CLTRN: variants seen among roughly 807,000 people sequenced by gnomAD.
CLTRN encodes the protein collectrin, amino acid transport regulator.
A neutral mutation model predicts 14.5 loss-of-function variants in CLTRN; 12 were observed. That is an observed-to-expected ratio of 0.83 (90% CI 0.53 to 1.34). CLTRN has a LOEUF of 1.34. CLTRN is among the 40% of genes most tolerant of loss of function. CLTRN has a pLI of 0.00. For synonymous variants in CLTRN, 58 were observed against 56.5 expected (o/e 1.03, Z -0.12); for missense variants, 154 against 165.1 (o/e 0.93, Z 0.37).
intron 3 of CLTRN, among the ~76,000 whole-genome samples, chrX:15,658,781 G>A (rs1354901346): frequency 1.9e-5 from 2 of 107,924 alleles, no homozygotes; most frequent in South Asian, 4.0e-4. Flanking sequence ...ATATATAGCT[G>A]CAATTTTGAG....
chrX:15,674,431 G>C (rs1383749705), intron 1 of CLTRN, among the ~76,000 whole-genome samples: 1 of 111,607 alleles, frequency 9.0e-6, no homozygotes, highest in Non-Finnish European at 1.9e-5. Context: ...TTTAAAGTCC[G>C]CTGACTTTAA....
In CLTRN at chrX:15,664,326, G is replaced by T. The variant is rs1327386736; in HGVS notation, c.117+11C>A. On this transcript the variant is annotated intron_variant, in intron 2 of 5. Transcript: ENST00000380342. ...CAAAATTTAAAAAGAACACTCAGGT[G>T]CTCCACTTACTGCTTTATCTCCCAG... is the stretch of plus-strand genomic sequence containing the variant. 8.5e-7 allele frequency: 1 copy of T among 1,177,383 alleles called. No homozygotes were observed. The highest frequency in any genetic ancestry group is 2.3e-4 in the Middle Eastern group (1 of 4,292).
At chrX:15,637,403 C>T (rs1212165137) in intron 5 of CLTRN, among the ~76,000 whole-genome samples, 1 of 111,869 alleles carries the variant, frequency 8.9e-6, no homozygotes, top group Non-Finnish European at 1.9e-5. Context: ...TTGTGTCAAA[C>T]TTAAAACACA....
At chrX:15,637,815 C>T (rs976974234) in intron 5 of CLTRN, among the ~76,000 whole-genome samples, 2 of 112,291 alleles carry the variant, frequency 1.8e-5, no homozygotes, top group African/African-American at 6.5e-5. Context: ...GTACACCTCA[C>T]TGTCACTCTA....
At chrX:15,631,902 C>T (rs1273321710) in intron 5 of CLTRN, among the ~76,000 whole-genome samples, 2 of 112,270 alleles carry the variant, frequency 1.8e-5, no homozygotes, top group African/African-American at 3.2e-5. Context: ...ACTACCTGTG[C>T]ATTGCTTTTA....
At chrX:15,628,461 C>A (rs1928615935) in intron 5 of CLTRN, among the ~76,000 whole-genome samples, 2 of 112,051 alleles carry the variant, frequency 1.8e-5, no homozygotes, top group African/African-American at 6.5e-5. Flanking sequence ...CACTCACACA[C>A]ACAAATTGCA....
At chrX:15,644,847 A>G in intron 4 of CLTRN, 69 bp downstream of exon 4, 1 of 669,265 alleles carries the variant, frequency 1.5e-6, no homozygotes, top group Non-Finnish European at 2.3e-6. Context: ...TTCAATATCT[A>G]TTTTTAAAAA....
At chrX:15,644,750 T>C (rs1929020731) in intron 4 of CLTRN, among the ~76,000 whole-genome samples, 166 bp downstream of exon 4, 2 of 111,968 alleles carry the variant, frequency 1.8e-5, no homozygotes, top group Non-Finnish European at 3.8e-5. Context: ...TGAGAACTAC[T>C]GATCTATACT....
chrX:15,636,044 C>T (rs76343269), intron 5 of CLTRN, among the ~76,000 whole-genome samples: 1 of 111,786 alleles, frequency 8.9e-6, no homozygotes, highest in African/African-American at 3.3e-5. Flanking sequence ...AAAGACGAAA[C>T]ATAGCAAGTG....
At position 15,627,632 on chromosome X, in the gene CLTRN, T is replaced by C. The variant is rs1456246163; in HGVS notation, c.*339A>G. ...ATTATATGTATTCTCCACTGGAAAA[T>C]TTATTTTTCCTTAGGTCTTTGAAGT... On this transcript the variant is annotated 3_prime_UTR_variant, in exon 6 of 6. Transcript: ENST00000380342. 1 of 133,555 alleles carries C rather than the reference T, an allele frequency of 7.5e-6. No homozygotes were observed. The highest frequency in any genetic ancestry group is 1.9e-4 in the East Asian group (1 of 5,180). The allele number at this position is 133,555 out of a possible 1,213,427, so 11.0% of individuals were successfully genotyped here. A position where few individuals can be genotyped will look rare whatever the true frequency, so the allele number is the denominator to read the frequency against.
At chrX:15,675,211 G>C (rs765930465), upstream of CLTRN, among the ~76,000 whole-genome samples, 2 of 112,339 alleles carry the variant, frequency 1.8e-5, no homozygotes, top group Non-Finnish European at 1.9e-5. Context: ...TCGAATTCGC[G>C]GGACGGTCGG....
chrX:15,661,874 T>C (rs1929516744), intron 2 of CLTRN, among the ~76,000 whole-genome samples: 1 of 112,229 alleles, frequency 8.9e-6, no homozygotes, highest in Admixed American at 9.4e-5. Context: ...TATTTATCTA[T>C]CAGTTTAGAT....
At chrX:15,653,186 T>A (rs1297701589) in intron 3 of CLTRN, among the ~76,000 whole-genome samples, 2 of 111,568 alleles carry the variant, frequency 1.8e-5, no homozygotes, top group Non-Finnish European at 3.8e-5. Flanking sequence ...TGGGGTTTTT[T>A]TTCCTCCCCT....
chrX:15,662,771 C>G (rs1369977409), intron 2 of CLTRN, among the ~76,000 whole-genome samples: 1 of 111,715 alleles, frequency 9.0e-6, no homozygotes, highest in Non-Finnish European at 1.9e-5. Context: ...TTGTCCAACA[C>G]AATGAACATT....
At chrX:15,646,562 C>A (rs768129817) in intron 3 of CLTRN, 1 of 336,733 alleles carries the variant, frequency 3.0e-6, no homozygotes, top group African/African-American at 2.7e-5. Flanking sequence ...CCTACTTCCA[C>A]GGGAAGCGCT....
chrX:15,646,468 C>G (rs1269555593), intron 3 of CLTRN: 2 of 255,255 alleles, frequency 7.8e-6, no homozygotes, highest in Admixed American at 5.0e-5. Flanking sequence ...ACCCACCCCC[C>G]CGCCCGACCC....
intron 5 of CLTRN, among the ~76,000 whole-genome samples, chrX:15,632,653 A>G (rs1366880565): frequency 9.1e-6 from 1 of 110,283 alleles, no homozygotes; most frequent in Non-Finnish European, 1.9e-5. Flanking sequence ...GCACTTTGGG[A>G]GGCTGAGGTG....
chrX:15,659,160 T>A, intron 2 of CLTRN, 59 bp from the exon 3 acceptor site: 1 of 590,931 alleles, frequency 1.7e-6, no homozygotes, highest in Non-Finnish European at 2.7e-6. Context: ...GTTCTACTTG[T>A]ACCCACAGTG....
chrX:15,648,747 G>C (rs1929149684), intron 3 of CLTRN, among the ~76,000 whole-genome samples: 1 of 109,931 alleles, frequency 9.1e-6, no homozygotes, highest in African/African-American at 3.3e-5. Context: ...GGAGGTGGAG[G>C]TTGCAGTGAG....
Sources: allele counts gnomAD v4.1 joint callset (sites outside exome capture counted in the v4.1 genomes callset), GRCh38; gene constraint gnomAD v4.1.1; transcripts MANE v1.5; gene names NCBI Gene and HGNC (gene_info 2026-07-23, HGNC 2026-07-21).